CDCA7L: variants seen among roughly 807,000 people sequenced by gnomAD.
The protein encoded by CDCA7L is cell division cycle-associated 7-like protein.
CDCA7L carries 44 observed loss-of-function variants against 57.4 expected under a neutral mutation model. That is an observed-to-expected ratio of 0.77 (90% confidence interval 0.60 to 0.98). The LOEUF (loss-of-function observed/expected upper bound fraction) is 0.98. Ranked by LOEUF, CDCA7L falls within the 50% of genes least tolerant of loss-of-function variation. The pLI is 0.00. For synonymous variants in CDCA7L, 236 were observed against 202.8 expected (o/e 1.16, Z -1.39); for missense variants, 644 against 580.6 (o/e 1.11, Z -1.12).
chr7:21,907,693 T>G (rs753710634), intron 4 of CDCA7L, among the ~76,000 whole-genome samples: 2 of 152,196 alleles, frequency 1.3e-5, no homozygotes, highest in South Asian at 4.1e-4. Context: ...GAACCAGTGC[T>G]GGTCACCATA....
chr7:21,918,353 A>T (rs1185880038), intron 1 of CDCA7L, among the ~76,000 whole-genome samples: 1 of 152,204 alleles, frequency 6.6e-6, no homozygotes, highest in Non-Finnish European at 1.5e-5. Flanking sequence ...ATTGTGAGGC[A>T]ACTGTAGACA....
At position 21,901,559 on chromosome 7, in the gene CDCA7L, A is replaced by G; in HGVS notation, c.*763T>C. The stretch of plus-strand genomic sequence containing the variant: ...ACTCCCTCCTGGGCAACAGAACAAG[A>G]CTCCATCTCAAAAAAAAAAAAGTAC... On this transcript the variant is annotated 3_prime_UTR_variant, in exon 10 of 10. Transcript: ENST00000406877. The G allele has an allele frequency of 4.6e-6, 1 of 215,466 alleles. No individual in the cohort carries two copies. Among genetic ancestry groups the G allele is most frequent in the East Asian group, 9.8e-5 (1 of 10,186 alleles). 13.3% of individuals were successfully genotyped at this position (215,466 alleles called of 1,614,324 possible).
chr7:21,918,398 G>A (rs1196552010), intron 1 of CDCA7L, among the ~76,000 whole-genome samples: 2 of 152,130 alleles, frequency 1.3e-5, no homozygotes, highest in Non-Finnish European at 1.5e-5. Flanking sequence ...CATCAAATGT[G>A]CAGTCTGTAT....
chr7:21,921,478 T>C (rs557394032), intron 1 of CDCA7L, among the ~76,000 whole-genome samples: 4 of 152,104 alleles, frequency 2.6e-5, no homozygotes, highest in Admixed American at 6.5e-5. Context: ...CCTCTTCTAA[T>C]GAATGACCAG....
At chr7:21,926,302 T>C (rs1785824862) in intron 1 of CDCA7L, among the ~76,000 whole-genome samples, 1 of 152,128 alleles carries the variant, frequency 6.6e-6, no homozygotes, top group East Asian at 1.9e-4. Flanking sequence ...TAAACTGGAA[T>C]TCATCAAAAT....
At chr7:21,915,165 C>CA (rs1190462530) in intron 2 of CDCA7L, among the ~76,000 whole-genome samples, 1 of 152,068 alleles carries the variant, frequency 6.6e-6, no homozygotes, top group African/African-American at 2.4e-5. Context: ...ACCAGGAACA[C>CA]AGCAGAAGTT....
intron 3 of CDCA7L, among the ~76,000 whole-genome samples, chr7:21,910,346 G>A (rs902679900): frequency 1.2e-4 from 19 of 152,182 alleles, no homozygotes; most frequent in African/African-American, 4.6e-4. Flanking sequence ...GAGACCTGGG[G>A]CCTCCAGGCT....
intron 1 of CDCA7L, among the ~76,000 whole-genome samples, chr7:21,927,540 G>A (rs2128065995): frequency 6.6e-6 from 1 of 152,178 alleles, no homozygotes; most frequent in African/African-American, 2.4e-5. Context: ...TACTTCTTTA[G>A]GCACACCAAT....
intron 1 of CDCA7L, among the ~76,000 whole-genome samples, chr7:21,917,670 T>C (rs1785525834): frequency 6.6e-6 from 1 of 152,250 alleles, no homozygotes; most frequent in Non-Finnish European, 1.5e-5. Context: ...TTTCAACAAA[T>C]ATTAGGTTGA....
At chr7:21,907,811 C>T (rs1197773957) in intron 4 of CDCA7L, among the ~76,000 whole-genome samples, 5 of 152,130 alleles carry the variant, frequency 3.3e-5, no homozygotes, top group Admixed American at 2.0e-4. Context: ...TGGGAACGGG[C>T]TAGTTGTTCA....
At chr7:21,945,375 T>G (rs898817831) in intron 1 of CDCA7L, among the ~76,000 whole-genome samples, 1 of 151,030 alleles carries the variant, frequency 6.6e-6, no homozygotes, top group Non-Finnish European at 1.5e-5. Context: ...AAAAAAAAAT[T>G]ACAACTTTCT....
chr7:21,917,905 A>C lies in CDCA7L; in HGVS notation c.25-1011T>G, dbSNP rs146540104. Among the ~76,000 whole-genome samples the C allele has an allele frequency of 1.2e-3, 188 of 152,406 alleles. 1 individual carries two copies. In the East Asian group the frequency reaches 0.028, roughly 23 times the overall value. On this transcript the variant is annotated intron_variant, in intron 1 of 9. Coordinates refer to ENST00000406877, the MANE Select transcript of CDCA7L (RefSeq NM_018719.5). ...CGAAAATAATTAACATTAATTCAAT[A>C]GTACGATTTACTGTAACTCTATATT...
chr7:21,918,587 A>C (rs1033186380), intron 1 of CDCA7L, among the ~76,000 whole-genome samples: 2 of 152,118 alleles, frequency 1.3e-5, no homozygotes, highest in Non-Finnish European at 2.9e-5. Flanking sequence ...TCCAAGTCTG[A>C]AGTTTTATTT....
At chr7:21,920,524 G>C (rs763822923) in intron 1 of CDCA7L, among the ~76,000 whole-genome samples, 1 of 152,182 alleles carries the variant, frequency 6.6e-6, no homozygotes, top group Non-Finnish European at 1.5e-5. Context: ...TGATGCTGAA[G>C]GGTTAATACA....
At chr7:21,927,275 C>T (rs1583866926) in intron 1 of CDCA7L, among the ~76,000 whole-genome samples, 1 of 151,936 alleles carries the variant, frequency 6.6e-6, no homozygotes, top group East Asian at 1.9e-4. Context: ...AAAGAACTAA[C>T]GTGAATCTGG....
intron 2 of CDCA7L, among the ~76,000 whole-genome samples, chr7:21,916,437 C>G (rs770786502): frequency 6.6e-6 from 1 of 150,904 alleles, no homozygotes; most frequent in Non-Finnish European, 1.5e-5. Context: ...TGGGAAGACC[C>G]TGAACACAGC....
intron 1 of CDCA7L, among the ~76,000 whole-genome samples, chr7:21,934,666 C>T (rs1786110493): frequency 6.6e-6 from 1 of 152,140 alleles, no homozygotes; most frequent in Non-Finnish European, 1.5e-5. Context: ...CAACTCTACA[C>T]TATCTACAAC....
chr7:21,901,768 AG>A lies in CDCA7L; in HGVS notation c.*553del, dbSNP rs1784878013. On this transcript the variant is annotated 3_prime_UTR_variant, in exon 10 of 10. Transcript: ENST00000406877. ...GCACTCTGTAAGGCCTCCAGTGTCC[AG>A]TGTCTACAATGTTGATGGTCCCCTT... 2 of 159,592 alleles carry A rather than the reference AG, an allele frequency of 1.3e-5. No individual in the cohort carries two copies. Among genetic ancestry groups the A allele is most frequent in the South Asian group, 3.7e-4 (2 of 5,444 alleles). 9.9% of individuals were successfully genotyped at this position (159,592 alleles called of 1,614,324 possible).
chr7:21,923,322 C>T (rs1421725978), intron 1 of CDCA7L, among the ~76,000 whole-genome samples: 1 of 152,050 alleles, frequency 6.6e-6, no homozygotes, highest in Non-Finnish European at 1.5e-5. Context: ...GACCCCGTCT[C>T]TACCAAAAAA....
Sources: gnomAD v4.1 joint callset for allele counts (sites outside exome capture counted in the v4.1 genomes callset) on GRCh38, gnomAD v4.1.1 for gene constraint, MANE v1.5 for transcripts, NCBI Gene and HGNC (gene_info 2026-07-23, HGNC 2026-07-21) for gene names.